The following MOBP variants were observed in gnomAD, a reference collection of about 807,000 sequenced individuals.
MOBP encodes the protein myelin-associated oligodendrocyte basic protein.
MOBP carries 5 observed loss-of-function variants against 15.0 expected under a neutral mutation model. The ratio of observed to expected loss-of-function variants is 0.33; its 90% CI spans 0.17 to 0.70. The LOEUF is 0.70. MOBP is among the 30% of genes least tolerant of loss of function. The pLI, the probability that MOBP is intolerant of heterozygous loss-of-function variation, is 0.67. For missense variants in MOBP, 188 were observed against 257.8 expected (o/e 0.73, Z 1.85); for synonymous variants, 88 against 99.0 (o/e 0.89, Z 0.66).
intron 2 of MOBP, among the ~76,000 whole-genome samples, chr3:39,482,569 G>A (rs944404475): frequency 7.3e-5 from 11 of 150,152 alleles, no homozygotes; most frequent in African/African-American, 2.2e-4. Context: ...GGAGAATGGC[G>A]TGAACCCAGG....
intron 1 of MOBP, among the ~76,000 whole-genome samples, chr3:39,476,887 A>C (rs2042552516): frequency 6.6e-6 from 1 of 152,056 alleles, no homozygotes; most frequent in African/African-American, 2.4e-5. Context: ...TCCATTGACC[A>C]TTAAAAAAAA....
intron 2 of MOBP, among the ~76,000 whole-genome samples, chr3:39,486,214 G>A (rs970347212): frequency 1.3e-5 from 2 of 152,172 alleles, no homozygotes; most frequent in East Asian, 3.9e-4. Flanking sequence ...TACTAGCTCT[G>A]TGATCTTGGT....
chr3:39,524,975 A>G (rs1366459130), downstream of MOBP: 2 of 152,224 alleles, frequency 1.3e-5, no homozygotes, highest in Admixed American at 6.5e-5. Context: ...TATACTATGC[A>G]TAAATTTTAA....
intron 3 of MOBP, among the ~76,000 whole-genome samples, chr3:39,524,082 C>T (rs2043300789): frequency 6.6e-6 from 1 of 152,122 alleles, no homozygotes; most frequent in East Asian, 1.9e-4. Context: ...GGATTGCCAC[C>T]CTTCAGACAC....
chr3:39,474,001 A>G (rs558709529), intron 1 of MOBP, among the ~76,000 whole-genome samples: 1 of 152,316 alleles, frequency 6.6e-6, no homozygotes, highest in South Asian at 2.1e-4. Flanking sequence ...ATACCAGTCC[A>G]AGGTAGAAGG....
At chr3:39,497,563 T>C (rs2125650689) in intron 2 of MOBP, among the ~76,000 whole-genome samples, 1 of 152,332 alleles carries the variant, frequency 6.6e-6, no homozygotes, top group Middle Eastern at 3.4e-3. Flanking sequence ...CAGATGTGGA[T>C]TCAAATCCCT....
At chr3:39,511,794 A>G (rs1418725398) in intron 4 of MOBP, among the ~76,000 whole-genome samples, 3 of 152,182 alleles carry the variant, frequency 2.0e-5, no homozygotes, top group Non-Finnish European at 4.4e-5. Flanking sequence ...AATGAGCCCT[A>G]TAAATACACT....
intron 2 of MOBP, among the ~76,000 whole-genome samples, chr3:39,481,973 A>C (rs567342989): frequency 3.3e-4 from 50 of 152,258 alleles, no homozygotes; most frequent in African/African-American, 9.9e-4. Flanking sequence ...TCATGGCTTC[A>C]ATTGCTACCT....
chr3:39,475,000 A>G (rs1222334750), intron 1 of MOBP, among the ~76,000 whole-genome samples: 6 of 152,220 alleles, frequency 3.9e-5, no homozygotes, highest in African/African-American at 1.4e-4. Flanking sequence ...TACAAGTTTT[A>G]CCACTAAAGT....
At chr3:39,497,534 T>C (rs1020973949) in intron 2 of MOBP, among the ~76,000 whole-genome samples, 8 of 152,216 alleles carry the variant, frequency 5.3e-5, no homozygotes, top group African/African-American at 1.9e-4. Flanking sequence ...TCTAAAGTGC[T>C]TGGGATGCTG....
chr3:39,502,958 A>G lies in MOBP; in HGVS notation c.*78A>G. On this transcript the variant is annotated 3_prime_UTR_variant, in exon 4 of 4. Transcript: ENST00000684792. The surrounding 1 kb of genome is among the most constrained non-coding windows in gnomAD (Gnocchi z 6.3). ...TGTTTACTAACACCGGGCTGTCTCC[A>G]TGGCCCTCTTCAGCCTTATTACCCA... 1 of 687,704 alleles carries G rather than the reference A, an allele frequency of 1.5e-6. No individual in the cohort carries two copies. The highest frequency in any genetic ancestry group is 1.9e-5 in the South Asian group (1 of 52,392). The allele number at this position is 687,704 out of a possible 1,614,324, so 42.6% of individuals were successfully genotyped here.
chr3:39,484,104 A>G (rs1409538932), intron 2 of MOBP, among the ~76,000 whole-genome samples: 1 of 152,252 alleles, frequency 6.6e-6, no homozygotes, highest in Admixed American at 6.5e-5. Context: ...AGAAGTATGT[A>G]CAAGTTATAA....
chr3:39,494,139 C>A (rs1177025551), intron 2 of MOBP, among the ~76,000 whole-genome samples: 1 of 152,102 alleles, frequency 6.6e-6, no homozygotes, highest in African/African-American at 2.4e-5. Flanking sequence ...GTCTACTAGT[C>A]CTATTAACCA....
chr3:39,524,460 A>G (rs2233207), exon 5 of MOBP: 5 of 152,142 alleles, frequency 3.3e-5, no homozygotes, highest in Non-Finnish European at 7.3e-5. Flanking sequence ...AGTTTCTTCA[A>G]TCTGAAGATA....
At chr3:39,488,667 C>T (rs546264703) in intron 2 of MOBP, among the ~76,000 whole-genome samples, 2 of 152,050 alleles carry the variant, frequency 1.3e-5, no homozygotes, top group African/African-American at 4.8e-5. Context: ...TTACCTTTTT[C>T]CCCCCAGCCT....
chr3:39,482,965 C>G (rs2042650261), intron 2 of MOBP, among the ~76,000 whole-genome samples: 1 of 152,146 alleles, frequency 6.6e-6, no homozygotes, highest in Non-Finnish European at 1.5e-5. Context: ...TCAGCTCCTA[C>G]CCTCCAAAAA....
chr3:39,477,551 G>A lies in MOBP; in HGVS notation c.-88-2489G>A, dbSNP rs117138890. On this transcript the variant is annotated intron_variant, in intron 1 of 3. Transcript: ENST00000684792. ...ATGCTGATAAATGAATATGTTACTAGTTTATGTATTTATTATAATACACTT... is the reference window on the plus strand; with the variant it reads ...ATGCTGATAAATGAATATGTTACTAATTTATGTATTTATTATAATACACTT... 8.5e-4 allele frequency among the ~76,000 whole-genome samples: 129 copies of A among 151,704 alleles called. 1 individual carries two copies. In the East Asian group the frequency reaches 0.025, roughly 29 times the overall value.
chr3:39,503,018 C>G lies in MOBP; in HGVS notation c.*138C>G, dbSNP rs2042998513. ...ATCAGCTCCCTCCATTAAATCCCCT[C>G]TGTTTGAAATACCTAGTGTGGCTTC... On this transcript the variant is annotated 3_prime_UTR_variant, in exon 4 of 4. Transcript: ENST00000684792. 4 of 568,372 alleles carry G rather than the reference C, an allele frequency of 7.0e-6. No individual in the cohort carries two copies. Among genetic ancestry groups the G allele is most frequent in the Non-Finnish European group, 1.2e-5 (4 of 325,476 alleles). The allele number at this position is 568,372 out of a possible 1,614,324, so 35.2% of individuals were successfully genotyped here.
chr3:39,470,619 A>G (rs1016359252), intron 1 of MOBP, among the ~76,000 whole-genome samples: 2 of 152,250 alleles, frequency 1.3e-5, no homozygotes, highest in Admixed American at 6.5e-5. Context: ...CTGAAAATGA[A>G]CTAAGCAATA....
Sources: gnomAD v4.1 joint callset for allele counts (sites outside exome capture counted in the v4.1 genomes callset) on GRCh38, gnomAD v4.1.1 for gene constraint, Gnocchi (gnomAD v3.1) non-coding constraint, MANE v1.5 for transcripts, NCBI Gene and HGNC (gene_info 2026-07-23, HGNC 2026-07-21) for gene names.